MESD: variants seen among roughly 807,000 people sequenced by gnomAD.
The protein encoded by MESD is LRP chaperone MESD.
In MESD, 7 loss-of-function variants were observed where a neutral mutation model predicts 12.9. The observed-to-expected ratio is 0.54, with a 90% confidence interval of 0.31 to 1.02. MESD has a LOEUF of 1.02. Among genes scored for constraint, MESD ranks in the 50% least tolerant of loss-of-function variants. The pLI, the probability that MESD is intolerant of heterozygous loss-of-function variation, is 0.05. For synonymous variants in MESD, 126 were observed against 115.6 expected (o/e 1.09, Z -0.58); for missense variants, 342 against 296.7 (o/e 1.15, Z -1.12).
At chr15:80,973,760 TTG>T (rs1346749788), downstream of MESD, among the ~76,000 whole-genome samples, 4 of 144,172 alleles carry the variant, frequency 2.8e-5, no homozygotes, top group African/African-American at 1.2e-4. Flanking sequence ...ATCATGGTTT[TTG>T]TTTTTTTTTT....
At chr15:80,973,504 A>G (rs896575804), downstream of MESD, among the ~76,000 whole-genome samples, 2 of 152,132 alleles carry the variant, frequency 1.3e-5, no homozygotes, top group African/African-American at 4.8e-5. Flanking sequence ...GTGCCACTGC[A>G]CTCCAGTCTT....
intron 2 of MESD, 62 bp downstream of exon 2, chr15:80,981,888 T>C: frequency 2.7e-6 from 3 of 1,119,480 alleles, no homozygotes; most frequent in Non-Finnish European, 1.3e-6. Context: ...TAATTAATAA[T>C]AATAATAAAG....
At chr15:80,960,561 C>T (rs1902067728) in intron 3 of MESD, among the ~76,000 whole-genome samples, 1 of 152,044 alleles carries the variant, frequency 6.6e-6, no homozygotes. Flanking sequence ...ATTATTTCTC[C>T]TTCAAATTCT....
chr15:80,963,178 C>T (rs1446453920), intron 3 of MESD, among the ~76,000 whole-genome samples: 3 of 152,158 alleles, frequency 2.0e-5, no homozygotes, highest in Non-Finnish European at 4.4e-5. Context: ...ATACAAACTA[C>T]CATCAGAGAA....
At chr15:80,988,000 G>C (rs1291265151) in intron 1 of MESD, among the ~76,000 whole-genome samples, 3 of 152,188 alleles carry the variant, frequency 2.0e-5, no homozygotes, top group Non-Finnish European at 4.4e-5. Context: ...ATCAAGTCCT[G>C]TTAAAAGTAT....
chr15:80,969,119 G>A (rs1902234017), intron 3 of MESD, among the ~76,000 whole-genome samples: 1 of 152,210 alleles, frequency 6.6e-6, no homozygotes, highest in African/African-American at 2.4e-5. Context: ...TGAGCCTGGA[G>A]GTCGAGGCTG....
Position 80,979,355 on chromosome 15 carries a change from T to A in MESD, c.569A>T (p.Tyr190Phe). ...TTTGCTTCCTCCTCCTTTGCCGGGGTACACCTGGCCCTCCAGAGTTACATC... is the reference window on the plus strand; with the variant it reads ...TTTGCTTCCTCCTCCTTTGCCGGGGAACACCTGGCCCTCCAGAGTTACATC... The part of the protein sequence containing the change: ...CADVTLEGQV[Y>F]PGKGGGSKEK... Residue 190 changes from tyrosine (Y) to phenylalanine (F), a missense_variant, in exon 3 of 3, where the codon TAC becomes TTC. Tyr to Phe is a conservative substitution (Grantham distance 22, BLOSUM62 3). Transcript: ENST00000261758. 3 of 1,614,206 alleles carry A rather than the reference T, an allele frequency of 1.9e-6. No individual in the cohort carries two copies. The highest frequency in any genetic ancestry group is 2.5e-6 in the Non-Finnish European group (3 of 1,180,042).
chr15:80,985,274 T>C (rs1047682241), intron 1 of MESD, among the ~76,000 whole-genome samples: 2 of 152,178 alleles, frequency 1.3e-5, no homozygotes, highest in African/African-American at 4.8e-5. Context: ...TCCTTACCTA[T>C]AATGGAAAGC....
intron 1 of MESD, among the ~76,000 whole-genome samples, chr15:80,982,709 CAA>C (rs1490647258): frequency 1.3e-5 from 2 of 152,128 alleles, no homozygotes; most frequent in African/African-American, 2.4e-5. Context: ...AGAATGGACA[CAA>C]GAGAACTTTT....
chr15:80,958,839 G>A (rs1225851405), intron 3 of MESD, among the ~76,000 whole-genome samples: 1 of 152,132 alleles, frequency 6.6e-6, no homozygotes, highest in Non-Finnish European at 1.5e-5. Flanking sequence ...AATTGTTGAG[G>A]CAATAGATGA....
chr15:80,952,375 G>A (rs1350460056), intron 3 of MESD: 1 of 309,208 alleles, frequency 3.2e-6, no homozygotes, highest in Admixed American at 4.3e-5. Context: ...CAGGAGGGCA[G>A]CCACTAGCTT....
At chr15:80,974,430 C>T (rs1430129221), downstream of MESD, among the ~76,000 whole-genome samples, 1 of 152,078 alleles carries the variant, frequency 6.6e-6, no homozygotes, top group Non-Finnish European at 1.5e-5. Context: ...GAATGTAGCA[C>T]ACAAATACAG....
At chr15:80,948,660 C>T in exon 5 of MESD, 1 of 1,175,478 alleles carries the variant, frequency 8.5e-7, no homozygotes, top group Non-Finnish European at 1.3e-6. Context: ...CAGAGCTCTT[C>T]CCAAGGGGCC....
downstream of MESD, among the ~76,000 whole-genome samples, chr15:80,974,580 T>A (rs1902362254): frequency 6.9e-6 from 1 of 144,102 alleles, no homozygotes; most frequent in African/African-American, 2.6e-5. Flanking sequence ...TATTTAAAAA[T>A]ATAAAATGTG....
intron 3 of MESD, among the ~76,000 whole-genome samples, chr15:80,959,216 G>A (rs2141788276): frequency 6.6e-6 from 1 of 152,364 alleles, no homozygotes; most frequent in East Asian, 1.9e-4. Context: ...TTGCATGCCT[G>A]CCATGTGAGA....
chr15:80,971,146 A>G (rs1215021337), downstream of MESD, among the ~76,000 whole-genome samples: 1 of 152,192 alleles, frequency 6.6e-6, no homozygotes, highest in Non-Finnish European at 1.5e-5. Flanking sequence ...CTGCTACCCC[A>G]GAGGATTCCT....
chr15:80,958,039 C>G (rs1354852862), intron 3 of MESD, among the ~76,000 whole-genome samples: 1 of 152,168 alleles, frequency 6.6e-6, no homozygotes, highest in Admixed American at 6.5e-5. Flanking sequence ...AATTCACCAT[C>G]CCAGATTGCC....
At chr15:80,960,535 T>C (rs1416154333) in intron 3 of MESD, among the ~76,000 whole-genome samples, 2 of 152,188 alleles carry the variant, frequency 1.3e-5, no homozygotes, top group Non-Finnish European at 2.9e-5. Context: ...TTCTACTTAT[T>C]TGCATCTTTT....
At chr15:80,983,247 GAA>G (rs11316947) in intron 1 of MESD, among the ~76,000 whole-genome samples, 9 of 131,590 alleles carry the variant, frequency 6.8e-5, no homozygotes, top group South Asian at 2.4e-4. Context: ...TGTCTTAAAA[GAA>G]AAAAAAAAAA....
Sources: allele counts gnomAD v4.1 joint callset (sites outside exome capture counted in the v4.1 genomes callset), GRCh38; gene constraint gnomAD v4.1.1; transcripts MANE v1.5; gene names NCBI Gene and HGNC (gene_info 2026-07-23, HGNC 2026-07-21).